The following STX8 variants were observed in gnomAD, a reference collection of about 807,000 sequenced individuals.
STX8 encodes the protein syntaxin-8.
Under a neutral mutation model 37.5 loss-of-function variants are expected in STX8, and 23 were observed. The observed-to-expected ratio is 0.61, with a 90% confidence interval of 0.44 to 0.87. STX8 has a LOEUF of 0.87. Ranked by LOEUF, STX8 falls within the 40% of genes least tolerant of loss-of-function variation. The pLI is 0.00. For missense variants in STX8, 313 were observed against 284.7 expected, an observed-to-expected ratio of 1.10 and a Z score of -0.71; for synonymous variants, 115 against 99.1, an observed-to-expected ratio of 1.16 and a Z score of -0.95.
intron 7 of STX8, among the ~76,000 whole-genome samples, chr17:9,364,687 C>T (rs1379615194): frequency 5.3e-5 from 8 of 151,460 alleles, no homozygotes; most frequent in South Asian, 2.1e-4. Context: ...CCCACCACCA[C>T]GCTCAGCTAA....
intron 7 of STX8, among the ~76,000 whole-genome samples, chr17:9,343,405 C>T (rs1038132705): frequency 2.2e-5 from 3 of 136,960 alleles, no homozygotes; most frequent in Non-Finnish European, 4.7e-5. Context: ...TCTATTTAAA[C>T]AGCCAAACTG....
At chr17:9,345,910 G>C (rs182585093) in intron 7 of STX8, among the ~76,000 whole-genome samples, 7 of 124,474 alleles carry the variant, frequency 5.6e-5, no homozygotes, top group Non-Finnish European at 1.1e-4. Context: ...GGAGTGCAGT[G>C]GCACGGTCTC....
At chr17:9,261,043 T>G (rs1907006388) in intron 7 of STX8, among the ~76,000 whole-genome samples, 1 of 152,108 alleles carries the variant, frequency 6.6e-6, no homozygotes, top group Non-Finnish European at 1.5e-5. Flanking sequence ...AGGACTGGTC[T>G]AGAAGCAGGA....
intron 6 of STX8, among the ~76,000 whole-genome samples, chr17:9,434,033 TC>T (rs1904334030): frequency 1.3e-5 from 2 of 151,712 alleles, no homozygotes; most frequent in Non-Finnish European, 2.9e-5. Context: ...AGACGGAGGC[TC>T]ACTCTATCGC....
chr17:9,513,313 C>CAAAAAA (rs35228175), intron 4 of STX8, among the ~76,000 whole-genome samples: 1 of 78,022 alleles, frequency 1.3e-5, no homozygotes, highest in Non-Finnish European at 2.6e-5. Flanking sequence ...ACTCTATTTC[C>CAAAAAA]AAAAAAAAAA....
intron 6 of STX8, among the ~76,000 whole-genome samples, chr17:9,436,869 C>T (rs995757364): frequency 2.6e-5 from 4 of 152,204 alleles, no homozygotes; most frequent in African/African-American, 9.6e-5. Flanking sequence ...ATTTTTCAAA[C>T]GCTGACTCCT....
intron 4 of STX8, among the ~76,000 whole-genome samples, chr17:9,532,726 A>G (rs1424699311): frequency 6.6e-6 from 1 of 151,968 alleles, no homozygotes; most frequent in Non-Finnish European, 1.5e-5. Context: ...AACCAAACCG[A>G]CTCTTCCACC....
chr17:9,353,182 A>G (rs941655788), intron 7 of STX8, among the ~76,000 whole-genome samples: 1 of 152,200 alleles, frequency 6.6e-6, no homozygotes, highest in African/African-American at 2.4e-5. Context: ...TACAGGCATG[A>G]CTGCCCCAAA....
chr17:9,347,808 C>T (rs1597617798), intron 7 of STX8, among the ~76,000 whole-genome samples: 1 of 152,232 alleles, frequency 6.6e-6, no homozygotes, highest in East Asian at 1.9e-4. Flanking sequence ...CCCAACTCCC[C>T]AGTCCCTGGC....
chr17:9,542,647 A>G (rs1036638486), intron 4 of STX8, among the ~76,000 whole-genome samples: 2 of 152,186 alleles, frequency 1.3e-5, no homozygotes, highest in Non-Finnish European at 2.9e-5. Context: ...ACTGCACTCC[A>G]GCCTGGGCGA....
At chr17:9,446,334 C>A (rs1311044384) in intron 6 of STX8, among the ~76,000 whole-genome samples, 2 of 152,148 alleles carry the variant, frequency 1.3e-5, no homozygotes, top group East Asian at 3.8e-4. Context: ...ATTATTCTAG[C>A]TCAGATTTAA....
chr17:9,301,654 GT>G (rs530983906), intron 7 of STX8, among the ~76,000 whole-genome samples: 3,340 of 123,454 alleles, frequency 0.027, 105 homozygotes, highest in African/African-American at 0.074. Flanking sequence ...GGCCATTTTT[GT>G]TTTTTTTTTT....
chr17:9,516,771 A>G (rs16958385), intron 4 of STX8, among the ~76,000 whole-genome samples: 5,370 of 152,298 alleles, frequency 0.035, 299 homozygotes, highest in African/African-American at 0.12. Flanking sequence ...ATCAAATTGA[A>G]ATGAGAAACT....
intron 7 of STX8, among the ~76,000 whole-genome samples, chr17:9,298,814 AAAAC>A (rs1908660238): frequency 6.6e-6 from 1 of 152,072 alleles, no homozygotes; most frequent in African/African-American, 2.4e-5. Flanking sequence ...CTCTGTCTCA[AAAAC>A]AAACAAAACA....
chr17:9,319,580 G>A (rs762700913), intron 7 of STX8, among the ~76,000 whole-genome samples: 4 of 152,180 alleles, frequency 2.6e-5, no homozygotes, highest in Non-Finnish European at 5.9e-5. Flanking sequence ...CATCCAGACT[G>A]GAACAAGAAG....
intron 2 of STX8, among the ~76,000 whole-genome samples, chr17:9,563,586 G>C (rs1299229082): frequency 6.6e-6 from 1 of 151,832 alleles, no homozygotes; most frequent in Non-Finnish European, 1.5e-5. Flanking sequence ...AAGTAACACA[G>C]GAAGAATAAA....
chr17:9,379,806 C>T (rs1286230354), intron 6 of STX8, among the ~76,000 whole-genome samples: 1 of 151,698 alleles, frequency 6.6e-6, no homozygotes, highest in Non-Finnish European at 1.5e-5. Flanking sequence ...CCGTCTCTAC[C>T]AAAAATACAA....
intron 6 of STX8, among the ~76,000 whole-genome samples, chr17:9,399,372 G>A (rs1912522595): frequency 6.6e-6 from 1 of 152,174 alleles, no homozygotes; most frequent in African/African-American, 2.4e-5. Flanking sequence ...GTTACTAAAG[G>A]TGAAGCTCAA....
At chr17:9,349,926 G>A (rs929625081) in intron 7 of STX8, among the ~76,000 whole-genome samples, 2 of 152,034 alleles carry the variant, frequency 1.3e-5, no homozygotes, top group Admixed American at 1.3e-4. Context: ...TTGTAGAGAT[G>A]GGGTCTGACT....
Sources: allele counts gnomAD v4.1 joint callset (sites outside exome capture counted in the v4.1 genomes callset), GRCh38; gene constraint gnomAD v4.1.1; transcripts MANE v1.5; gene names NCBI Gene and HGNC (gene_info 2026-07-23, HGNC 2026-07-21).